The following RALYL variants were observed in gnomAD, a reference collection of about 807,000 sequenced individuals.
RALYL encodes RALY RNA binding protein like, also known as RNA-binding Raly-like protein.
A neutral mutation model predicts 35.1 loss-of-function variants in RALYL; 29 were observed. The observed-to-expected ratio is 0.83, with a 90% CI of 0.61 to 1.13. The LOEUF is 1.13. Among genes scored for constraint, RALYL ranks in the 50% most tolerant of loss-of-function variants. The pLI is 0.00. For missense variants in RALYL, 359 were observed against 360.4 expected, an observed-to-expected ratio of 1.00 and a Z score of 0.03; for synonymous variants, 120 against 127.6, an observed-to-expected ratio of 0.94 and a Z score of 0.40.
At chr8:84,634,682 A>C (rs1210080635) in intron 2 of RALYL, among the ~76,000 whole-genome samples, 1 of 151,816 alleles carries the variant, frequency 6.6e-6, no homozygotes, top group East Asian at 1.9e-4. Context: ...AAGTTTAAAC[A>C]ATGGGAAAAA....
At chr8:84,502,382 A>G (rs1401674884) in intron 1 of RALYL, among the ~76,000 whole-genome samples, 1 of 152,054 alleles carries the variant, frequency 6.6e-6, no homozygotes, top group African/African-American at 2.4e-5. Context: ...AAAGTCTATA[A>G]ATCCCAAGCA....
In RALYL at chr8:84,921,247, T is replaced by C. The variant is rs1197856523; in HGVS notation, c.*336T>C. 1.1e-5 allele frequency: 2 copies of C among 183,580 alleles called. No homozygotes were observed. The highest frequency in any genetic ancestry group is 2.2e-5 in the Non-Finnish European group (2 of 89,398). The allele number at this position is 183,580 out of a possible 1,614,324, so 11.4% of individuals were successfully genotyped here. A position where few individuals can be genotyped will look rare whatever the true frequency, so the allele number is the denominator to read the frequency against. ...ATATTTGTAAAAGCTATTTTTATGA[T>C]TAGCATGTTTCACTGTTGATCATAT... On this transcript the variant is annotated 3_prime_UTR_variant, in exon 9 of 9. Coordinates refer to ENST00000521268, the MANE Select transcript of RALYL (RefSeq NM_173848.7).
At chr8:84,311,648 A>G (rs1373769148) in intron 1 of RALYL, among the ~76,000 whole-genome samples, 1 of 152,202 alleles carries the variant, frequency 6.6e-6, no homozygotes. Context: ...ATAAAATACC[A>G]TAGAGATTAT....
chr8:84,852,621 T>G (rs570555123), intron 5 of RALYL, among the ~76,000 whole-genome samples: 1 of 152,334 alleles, frequency 6.6e-6, no homozygotes, highest in East Asian at 1.9e-4. Context: ...CCTTATACAT[T>G]TAAAGAATTT....
At chr8:84,439,659 T>C (rs2048125207) in intron 1 of RALYL, among the ~76,000 whole-genome samples, 1 of 152,142 alleles carries the variant, frequency 6.6e-6, no homozygotes, top group African/African-American at 2.4e-5. Flanking sequence ...TTTTTTCATA[T>C]ATATGATTTT....
intron 2 of RALYL, among the ~76,000 whole-genome samples, chr8:84,623,969 G>A (rs963450486): frequency 6.6e-6 from 1 of 152,122 alleles, no homozygotes; most frequent in African/African-American, 2.4e-5. Flanking sequence ...CTTCTCTTTC[G>A]ACTGGTACTA....
In RALYL at chr8:84,444,649, G is replaced by A. The variant is rs577221495; in HGVS notation, c.-23-84650G>A. ...ATTTCTAGAAACCACAGATATAGTG[G>A]AACAAACAAGGAGGCTATGGCTTAA... is the stretch of plus-strand genomic sequence containing the variant. On this transcript the variant is annotated intron_variant, in intron 1 of 8. Transcript: ENST00000521268. Among the ~76,000 whole-genome samples, 5 of 152,148 alleles carry A rather than the reference G, an allele frequency of 3.3e-5. No individual in the cohort carries two copies. In the East Asian group the frequency reaches 5.8e-4, roughly 18 times the overall value.
intron 2 of RALYL, among the ~76,000 whole-genome samples, chr8:84,564,811 TTTA>T (rs1440927749): frequency 1.3e-5 from 2 of 151,662 alleles, no homozygotes; most frequent in African/African-American, 4.8e-5. Flanking sequence ...TAGCAATAAT[TTTA>T]TTTTGTATTG....
chr8:84,624,414 AT>A (rs1279546547), intron 2 of RALYL, among the ~76,000 whole-genome samples: 1 of 151,934 alleles, frequency 6.6e-6, no homozygotes, highest in Non-Finnish European at 1.5e-5. Context: ...GTCTTTTCTG[AT>A]TTTTAAAGGC....
chr8:84,252,518 C>G (rs1830390324), intron 1 of RALYL, among the ~76,000 whole-genome samples: 1 of 152,050 alleles, frequency 6.6e-6, no homozygotes, highest in African/African-American at 2.4e-5. Context: ...AGGCGCAGAC[C>G]TATTCTGAAG....
Position 84,850,890 on chromosome 8 carries a change from C to T in RALYL, c.413+863C>T, listed in dbSNP as rs548930595. ...TGCCAGGGTCACTTCCCCTCCATAG[C>T]GTTATACGTTTCATCACATCACATC... is the stretch of plus-strand genomic sequence containing the variant. On this transcript the variant is annotated intron_variant, in intron 5 of 8. Coordinates refer to ENST00000521268, the MANE Select transcript of RALYL (RefSeq NM_173848.7). Among the ~76,000 whole-genome samples the T allele has an allele frequency of 5.9e-5, 9 of 152,256 alleles. No homozygotes were observed. The South Asian group carries it at 1.4e-3, about 25-fold the overall frequency.
At position 84,538,808 on chromosome 8, in the gene RALYL, A is replaced by G. The variant is rs2059796198; in HGVS notation, c.256+9231A>G. Among the ~76,000 whole-genome samples the G allele has an allele frequency of 2.0e-5, 3 of 152,198 alleles. No homozygotes were observed. The South Asian group carries it at 6.2e-4, about 31-fold the overall frequency. On this transcript the variant is annotated intron_variant, in intron 2 of 8. Coordinates refer to ENST00000521268, the MANE Select transcript of RALYL (RefSeq NM_173848.7). ...GTTGTGGAGTAAAATGTTCACCTAT[A>G]AAACAACACACAATAGGAAGTGGGA...
chr8:84,378,721 A>G (rs1392042203), intron 1 of RALYL, among the ~76,000 whole-genome samples: 4 of 151,708 alleles, frequency 2.6e-5, no homozygotes, highest in Non-Finnish European at 4.4e-5. Flanking sequence ...TGAGATGATA[A>G]CTTCTGTCCT....
At chr8:84,824,790 T>C (rs1226445872) in intron 4 of RALYL, among the ~76,000 whole-genome samples, 1 of 152,174 alleles carries the variant, frequency 6.6e-6, no homozygotes, top group Non-Finnish European at 1.5e-5. Context: ...TAAATGGTGT[T>C]GGGATAGCTG....
At chr8:84,759,332 C>A (rs1368775330) in intron 2 of RALYL, among the ~76,000 whole-genome samples, 2 of 152,038 alleles carry the variant, frequency 1.3e-5, no homozygotes, top group Non-Finnish European at 2.9e-5. Context: ...TTTTTTAAAC[C>A]TCTACAGTAA....
At chr8:84,739,598 C>T (rs1452691198) in intron 2 of RALYL, among the ~76,000 whole-genome samples, 1 of 151,616 alleles carries the variant, frequency 6.6e-6, no homozygotes, top group Non-Finnish European at 1.5e-5. Context: ...TCCACACATA[C>T]ACAATATATG....
chr8:84,412,936 T>C (rs1006838678), intron 1 of RALYL, among the ~76,000 whole-genome samples: 3 of 151,842 alleles, frequency 2.0e-5, no homozygotes, highest in African/African-American at 7.2e-5. Context: ...TCCTACAGTT[T>C]GTGGAAGATA....
At chr8:84,870,853 T>C (rs911379114) in intron 6 of RALYL, among the ~76,000 whole-genome samples, 3 of 152,096 alleles carry the variant, frequency 2.0e-5, no homozygotes, top group Non-Finnish European at 2.9e-5. Flanking sequence ...CTAAGGCCAA[T>C]TGGACTAGGT....
chr8:84,461,663 G>T (rs754176814), intron 1 of RALYL, among the ~76,000 whole-genome samples: 5 of 151,654 alleles, frequency 3.3e-5, no homozygotes, highest in African/African-American at 9.7e-5. Flanking sequence ...GGTCAAAAAA[G>T]AATGTTATAC....
Sources: allele counts gnomAD v4.1 joint callset (sites outside exome capture counted in the v4.1 genomes callset), GRCh38; gene constraint gnomAD v4.1.1; transcripts MANE v1.5; gene names NCBI Gene and HGNC (gene_info 2026-07-23, HGNC 2026-07-21).